Variants in CADM2 observed in about 807,000 individuals in gnomAD.
CADM2 encodes the protein cell adhesion molecule 2.
A neutral mutation model predicts 49.8 loss-of-function variants in CADM2; 12 were observed. The ratio of observed to expected loss-of-function variants is 0.24; its 90% CI spans 0.15 to 0.39. CADM2 has a LOEUF of 0.39. Ranked by LOEUF, CADM2 falls within the 10% of genes least tolerant of loss-of-function variation. The pLI is 1.00. For missense variants in CADM2, 378 were observed against 492.3 expected (o/e 0.77, Z 2.20); for synonymous variants, 214 against 175.4 (o/e 1.22, Z -1.74).
At chr3:85,601,204 C>T (rs2063395895) in intron 1 of CADM2, among the ~76,000 whole-genome samples, 1 of 131,072 alleles carries the variant, frequency 7.6e-6, no homozygotes, top group South Asian at 2.4e-4. Flanking sequence ...ATGTCATTTG[C>T]TCCCAAGTGG....
At chr3:85,325,194 C>G (rs545195170) in intron 1 of CADM2, among the ~76,000 whole-genome samples, 1 of 152,246 alleles carries the variant, frequency 6.6e-6, no homozygotes, top group South Asian at 2.1e-4. Flanking sequence ...TCGAGATCTT[C>G]AACATCCTTT....
At chr3:84,985,654 A>G (rs2032509656) in intron 1 of CADM2, among the ~76,000 whole-genome samples, 1 of 152,170 alleles carries the variant, frequency 6.6e-6, no homozygotes, top group Non-Finnish European at 1.5e-5. Context: ...TTCAATATAT[A>G]CTTCACTATT....
At chr3:85,607,629 A>G (rs1302016797) in intron 1 of CADM2, among the ~76,000 whole-genome samples, 2 of 152,012 alleles carry the variant, frequency 1.3e-5, no homozygotes, top group African/African-American at 2.4e-5. Flanking sequence ...TACCCCATAA[A>G]TATATACACC....
intron 1 of CADM2, among the ~76,000 whole-genome samples, chr3:85,086,605 G>A (rs2037388384): frequency 1.3e-5 from 2 of 150,082 alleles, no homozygotes; most frequent in Admixed American, 6.7e-5. Context: ...TCCACATCTC[G>A]GGTTCAAGTG....
At chr3:85,615,936 A>G (rs576601728) in intron 1 of CADM2, among the ~76,000 whole-genome samples, 2 of 152,076 alleles carry the variant, frequency 1.3e-5, no homozygotes, top group Admixed American at 6.6e-5. Context: ...TTTCAAGAAA[A>G]TCATTGACTC....
intron 3 of CADM2, among the ~76,000 whole-genome samples, chr3:85,843,993 G>A (rs772504540): frequency 6.6e-6 from 1 of 151,944 alleles, no homozygotes; most frequent in Non-Finnish European, 1.5e-5. Flanking sequence ...ATTCGGGTTC[G>A]GTAGCCAGGC....
intron 1 of CADM2, among the ~76,000 whole-genome samples, chr3:85,441,314 C>T (rs1184050737): frequency 6.6e-6 from 1 of 151,852 alleles, no homozygotes; most frequent in Non-Finnish European, 1.5e-5. Flanking sequence ...ACATTTTTCA[C>T]ATTACAGTTC....
chr3:85,760,098 A>G (rs1024845897), intron 2 of CADM2, among the ~76,000 whole-genome samples: 6 of 152,128 alleles, frequency 3.9e-5, no homozygotes, highest in Non-Finnish European at 5.9e-5. Flanking sequence ...TTTCACTTTT[A>G]TAAAAGAAAC....
chr3:85,866,304 C>T (rs1398214909), intron 3 of CADM2, among the ~76,000 whole-genome samples: 1 of 152,158 alleles, frequency 6.6e-6, no homozygotes, highest in East Asian at 1.9e-4. Flanking sequence ...TGGACCTACC[C>T]ACCCTGTTAA....
intron 1 of CADM2, among the ~76,000 whole-genome samples, chr3:85,671,005 GTGATATTT>G (rs2065719177): frequency 6.6e-6 from 1 of 152,152 alleles, no homozygotes; most frequent in Non-Finnish European, 1.5e-5. Flanking sequence ...GAGTGATTCA[GTGATATTT>G]TTTTCCAACT....
At chr3:85,691,061 C>T (rs1030302145) in intron 1 of CADM2, among the ~76,000 whole-genome samples, 32 of 152,158 alleles carry the variant, frequency 2.1e-4, no homozygotes, top group African/African-American at 7.7e-4. Context: ...ACCAATCTCT[C>T]CCTACTCTGC....
chr3:85,151,586 A>G (rs1166067197), intron 1 of CADM2, among the ~76,000 whole-genome samples: 2 of 152,166 alleles, frequency 1.3e-5, no homozygotes, highest in Non-Finnish European at 2.9e-5. Flanking sequence ...TTCAAAAATC[A>G]ACTTCTTATC....
chr3:85,387,125 A>C (rs1440291757), intron 1 of CADM2, among the ~76,000 whole-genome samples: 1 of 152,136 alleles, frequency 6.6e-6, no homozygotes, highest in African/African-American at 2.4e-5. Flanking sequence ...CACAAATTAA[A>C]GTTTTGTTGA....
At position 85,541,768 on chromosome 3, in the gene CADM2, TTATATTTTA is replaced by T. The variant is rs1387755040; in HGVS notation, c.62-184748_62-184740del. Among the ~76,000 whole-genome samples, 43 of 61,018 alleles carry T rather than the reference TTATATTTTA, an allele frequency of 7.0e-4. 2 individuals carry two copies. The highest frequency in any genetic ancestry group is 2.5e-3 in the East Asian group (6 of 2,448). The allele number at this position is 61,018 out of a possible 152,430, so 40.0% of individuals were successfully genotyped here. On this transcript the variant is annotated intron_variant, in intron 1 of 9. Transcript: ENST00000383699. ...ATTTTATATATTTTATATATATATTTTATATTTTATATATATATATATATATGTATAGTG... is the reference window on the plus strand; with the variant it reads ...ATTTTATATATTTTATATATATATTTTATATATATATATATATGTATAGTG...
intron 8 of CADM2, among the ~76,000 whole-genome samples, chr3:86,021,203 T>C: frequency 6.6e-6 from 1 of 152,144 alleles, no homozygotes; most frequent in East Asian, 1.9e-4. Flanking sequence ...TTTTGCCATG[T>C]TGGCCAGGCT....
chr3:85,367,501 A>G (rs1357594219), intron 1 of CADM2, among the ~76,000 whole-genome samples: 1 of 151,746 alleles, frequency 6.6e-6, no homozygotes, highest in Non-Finnish European at 1.5e-5. Context: ...TTGAGTGGTG[A>G]CCATGTGTAT....
At chr3:84,970,899 G>A (rs1440255874) in intron 1 of CADM2, among the ~76,000 whole-genome samples, 1 of 151,932 alleles carries the variant, frequency 6.6e-6, no homozygotes, top group Non-Finnish European at 1.5e-5. Context: ...TGCAATTTTT[G>A]TTGGAGGCAA....
intron 3 of CADM2, among the ~76,000 whole-genome samples, chr3:85,835,355 A>C (rs1162968541): frequency 6.8e-6 from 1 of 146,298 alleles, no homozygotes; most frequent in Non-Finnish European, 1.5e-5. Context: ...TTATCCTGTT[A>C]ATCACTGTTT....
chr3:85,485,621 T>C (rs937783744), intron 1 of CADM2, among the ~76,000 whole-genome samples: 1 of 152,064 alleles, frequency 6.6e-6, no homozygotes, highest in Non-Finnish European at 1.5e-5. Flanking sequence ...ATCAGCAAAA[T>C]CATAGTTAAT....
Sources: gnomAD v4.1 joint callset for allele counts (sites outside exome capture counted in the v4.1 genomes callset) on GRCh38, gnomAD v4.1.1 for gene constraint, MANE v1.5 for transcripts, NCBI Gene and HGNC (gene_info 2026-07-23, HGNC 2026-07-21) for gene names.